ARSG: variants seen among roughly 807,000 people sequenced by gnomAD.
ARSG encodes ASG.
A neutral mutation model predicts 50.5 loss-of-function variants in ARSG; 37 were observed. The observed-to-expected ratio is 0.73, with a 90% CI of 0.56 to 0.96. The LOEUF is 0.96. Among genes scored for constraint, ARSG ranks in the 50% least tolerant of loss-of-function variants. ARSG has a pLI of 0.00. For missense variants in ARSG, 629 were observed against 675.3 expected, an observed-to-expected ratio of 0.93 and a Z score of 0.76; for synonymous variants, 225 against 254.6, an observed-to-expected ratio of 0.88 and a Z score of 1.11.
intron 6 of ARSG, among the ~76,000 whole-genome samples, chr17:68,363,161 G>A (rs1428781174): frequency 6.6e-6 from 1 of 152,190 alleles, no homozygotes; most frequent in East Asian, 1.9e-4. Flanking sequence ...GGGGCAGAGA[G>A]GAGGCAGCCA....
chr17:68,376,430 C>T (rs571049890), intron 8 of ARSG, among the ~76,000 whole-genome samples: 41 of 151,934 alleles, frequency 2.7e-4, no homozygotes, highest in Admixed American at 7.2e-4. Flanking sequence ...GCATGCACCA[C>T]CATACCCAAC....
chr17:68,335,254 T>C (rs956445040), intron 2 of ARSG, among the ~76,000 whole-genome samples: 19 of 151,918 alleles, frequency 1.3e-4, no homozygotes, highest in Non-Finnish European at 2.5e-4. Flanking sequence ...ACTGTTGTAG[T>C]TGAGTGTTAT....
chr17:68,315,308 G>A (rs1250094089), intron 2 of ARSG, among the ~76,000 whole-genome samples: 3 of 152,094 alleles, frequency 2.0e-5, no homozygotes, highest in Admixed American at 6.6e-5. Context: ...TTGGGAGATC[G>A]AGGCGGAAGG....
intron 2 of ARSG, among the ~76,000 whole-genome samples, chr17:68,312,794 G>C (rs1204834033): frequency 6.6e-6 from 1 of 152,166 alleles, no homozygotes; most frequent in African/African-American, 2.4e-5. Context: ...CTCACGGCCA[G>C]TGGGGAACCA....
the ARSG span, among the ~76,000 whole-genome samples, chr17:68,436,667 G>A: frequency 3.3e-5 from 5 of 152,138 alleles, no homozygotes; most frequent in Non-Finnish European, 7.3e-5. Context: ...CTTCACAGGG[G>A]AAGACCTCCT....
intron 11 of ARSG, 81 bp downstream of exon 11, chr17:68,401,531 G>A (rs1384978367): frequency 1.5e-6 from 2 of 1,291,618 alleles, no homozygotes; most frequent in Non-Finnish European, 2.2e-6. Context: ...AGGCCTCTGG[G>A]AATGAGTGTG....
upstream of ARSG, among the ~76,000 whole-genome samples, chr17:68,286,900 G>T (rs1302093433): frequency 6.6e-6 from 1 of 152,220 alleles, no homozygotes; most frequent in Admixed American, 6.5e-5. Flanking sequence ...AATGCTAGAT[G>T]GTTCTTGCAA....
the ARSG span, chr17:68,444,689 T>A: frequency 2.1e-6 from 2 of 969,214 alleles, no homozygotes; most frequent in South Asian, 1.7e-5. Context: ...AACTTGATTC[T>A]AAGCCTAAAG....
At chr17:68,400,374 T>C (rs942232864) in intron 10 of ARSG, 12 of 152,342 alleles carry the variant, frequency 7.9e-5, no homozygotes, top group African/African-American at 2.6e-4. Flanking sequence ...TATAGTCGGA[T>C]TGAGTCATAG....
At chr17:68,441,530 C>T in the ARSG span, among the ~76,000 whole-genome samples, 8 of 152,220 alleles carry the variant, frequency 5.3e-5, no homozygotes, top group African/African-American at 1.9e-4. Flanking sequence ...GATAAGGCGA[C>T]TCCTGGCCTC....
At chr17:68,265,149 C>T (rs2075132047) in intron 1 of ARSG, among the ~76,000 whole-genome samples, 1 of 132,886 alleles carries the variant, frequency 7.5e-6, no homozygotes, top group South Asian at 2.4e-4. Context: ...GGTGAAACTC[C>T]ATCTCAGAAA....
intron 1 of ARSG, among the ~76,000 whole-genome samples, chr17:68,259,805 A>T (rs1555744902): frequency 6.6e-6 from 1 of 152,092 alleles, no homozygotes; most frequent in East Asian, 1.9e-4. Context: ...GCTTGTGTCT[A>T]TTGTATTGGA....
At chr17:68,297,320 AT>A (rs1240746414) in intron 1 of ARSG, among the ~76,000 whole-genome samples, 1 of 152,246 alleles carries the variant, frequency 6.6e-6, no homozygotes, top group African/African-American at 2.4e-5. Flanking sequence ...GCCAGCTATT[AT>A]TAGAGTCTGC....
At chr17:68,322,225 G>A (rs1555770804) in intron 2 of ARSG, among the ~76,000 whole-genome samples, 1 of 152,216 alleles carries the variant, frequency 6.6e-6, no homozygotes, top group Non-Finnish European at 1.5e-5. Flanking sequence ...TGCTGGGGCA[G>A]CCCTGCCCCA....
downstream of ARSG, chr17:68,426,254 G>GGCCC: frequency 1.2e-6 from 1 of 816,920 alleles, no homozygotes; most frequent in East Asian, 3.5e-5. Flanking sequence ...GGGAGCGGGG[G>GGCCC]CTCAAATAAA....
the ARSG span, chr17:68,450,827 T>G: frequency 9.9e-6 from 16 of 1,614,110 alleles, no homozygotes; most frequent in Non-Finnish European, 1.2e-5. Flanking sequence ...GCCGTGGTTT[T>G]GTGTGACTGA....
chr17:68,315,937 G>A (rs2077053537), intron 2 of ARSG, among the ~76,000 whole-genome samples: 1 of 152,102 alleles, frequency 6.6e-6, no homozygotes, highest in Non-Finnish European at 1.5e-5. Flanking sequence ...AGGCAGAAAT[G>A]GGATTTAGAT....
chr17:68,357,718 G>GTCTAC (rs2079095905), intron 6 of ARSG, among the ~76,000 whole-genome samples: 1 of 152,168 alleles, frequency 6.6e-6, no homozygotes, highest in Admixed American at 6.5e-5. Context: ...AGGCATTAGG[G>GTCTAC]AGTGGTGGGG....
chr17:68,335,711 G>A (rs528716289), intron 2 of ARSG, among the ~76,000 whole-genome samples: 13 of 152,262 alleles, frequency 8.5e-5, no homozygotes, highest in African/African-American at 2.2e-4. Flanking sequence ...ATTTGAACTA[G>A]GCCTTGAAGA....
Sources: allele counts gnomAD v4.1 joint callset (sites outside exome capture counted in the v4.1 genomes callset), GRCh38; gene constraint gnomAD v4.1.1; transcripts MANE v1.5; gene names NCBI Gene and HGNC (gene_info 2026-07-23, HGNC 2026-07-21).